Variants in OR2T1 observed in about 807,000 individuals in gnomAD.
OR2T1 encodes the protein olfactory receptor family 2 subfamily T member 1, also known as olfactory receptor 2T1.
For missense variants in OR2T1, 440 were observed against 390.2 expected (o/e 1.13, Z -1.07); for synonymous variants, 186 against 145.4 (o/e 1.28, Z -2.01).
rs1296992737 is a variant in OR2T1 at position 248,406,184 on chromosome 1, T to C, written c.37T>C (p.Phe13Leu). The change falls in exon 2 of 2, where the codon TTC (phenylalanine) becomes CTC (leucine). Residue 13 changes from phenylalanine (F) to leucine (L), a missense_variant. By Grantham distance (22) the Phe-to-Leu change is conservative. Coordinates refer to ENST00000642005, the MANE Select transcript of OR2T1 (RefSeq NM_030904.2). The part of the protein sequence containing the change: ...EYNTSSTDFT[F>L]MGLFNRKETS... ...CAACACATCCTCTACAGACTTCACT[T>C]TCATGGGGCTGTTCAACAGAAAGGA... The C allele has an allele frequency of 6.2e-7, 1 of 1,613,912 alleles. No homozygotes were observed. The highest frequency in any genetic ancestry group is 8.5e-7 in the Non-Finnish European group (1 of 1,179,978).
chr1:248,406,065 C>A, intron 1 of OR2T1, 50 bp from the exon 2 acceptor site: 1 of 1,613,042 alleles, frequency 6.2e-7, no homozygotes, highest in South Asian at 1.1e-5. Flanking sequence ...ACAATTAATT[C>A]ACATGTTGTT....
intron 1 of OR2T1, 83 bp from the exon 2 acceptor site, chr1:248,406,032 C>T (rs565015522): frequency 6.2e-7 from 1 of 1,612,018 alleles, no homozygotes; most frequent in Admixed American, 1.7e-5. Flanking sequence ...GTTTTCTTCC[C>T]ACTTTTAAAA....
intron 1 of OR2T1, among the ~76,000 whole-genome samples, chr1:248,405,148 A>G (rs1661529662): frequency 6.6e-6 from 1 of 152,166 alleles, no homozygotes; most frequent in African/African-American, 2.4e-5. Flanking sequence ...TTACTCCCAA[A>G]TATGTTGGTA....
At position 248,407,105 on chromosome 1, in the gene OR2T1, C is replaced by T. The variant is rs1661579628; in HGVS notation, c.*1C>T. The T allele has an allele frequency of 1.3e-6, 2 of 1,566,478 alleles. No individual in the cohort carries two copies. The highest frequency in any genetic ancestry group is 1.4e-5 in the African/African-American group (1 of 73,298). On this transcript the variant is annotated 3_prime_UTR_variant, in exon 2 of 2. Transcript: ENST00000642005. ...AAGGGTGTCAGGAGGTGTCTTTTGA[C>T]AGTCGACTCCTTCCCATGCATATGG...
At position 248,406,677 on chromosome 1, in the gene OR2T1, T is replaced by C. The variant is rs139791019; in HGVS notation, c.530T>C (p.Phe177Ser). Reference protein sequence around the residue: ...FCNSREINHFFCEAPAVLKLA... With the variant: ...FCNSREINHFSCEAPAVLKLA... ...AATTCCCGGGAGATTAACCACTTCT[T>C]CTGTGAGGCACCAGCAGTCCTGAAG... is the stretch of plus-strand genomic sequence containing the variant. Residue 177 changes from phenylalanine (F) to serine (S), a missense_variant, in exon 2 of 2, where the codon TTC becomes TCC. By Grantham distance (155) the Phe-to-Ser change is radical (BLOSUM62 -2). Transcript: ENST00000642005. 152 of 1,614,080 alleles carry C rather than the reference T, an allele frequency of 9.4e-5. No homozygotes were observed. Among genetic ancestry groups the C allele is most frequent in the Non-Finnish European group, 1.2e-4 (139 of 1,180,000 alleles).
In OR2T1 at chr1:248,406,777, C is replaced by A. The variant is rs750308698; in HGVS notation, c.630C>A (p.Phe210Leu). The part of the protein sequence containing the change: ...VCCVLMLLIP[F>L]SVVLASYARI... The stretch of plus-strand genomic sequence containing the variant: ...GTGTTTTGATGCTGCTGATTCCTTT[C>A]TCTGTAGTCCTTGCTTCCTATGCCC... The change falls in exon 2 of 2, where the codon TTC becomes TTA. Residue 210 changes from phenylalanine (F) to leucine (L), a missense_variant. Coordinates refer to ENST00000642005, the MANE Select transcript of OR2T1 (RefSeq NM_030904.2). 1 of 1,614,096 alleles carries A rather than the reference C, an allele frequency of 6.2e-7. No homozygotes were observed. The highest frequency in any genetic ancestry group is 8.5e-7 in the Non-Finnish European group (1 of 1,180,044).
At chr1:248,405,588 C>A (rs1661537757) in intron 1 of OR2T1, among the ~76,000 whole-genome samples, 1 of 152,080 alleles carries the variant, frequency 6.6e-6, no homozygotes, top group African/African-American at 2.4e-5. Context: ...TTGTCTGGGA[C>A]ATGGATAAAC....
Position 248,407,014 on chromosome 1 carries a change from C to T in OR2T1, c.867C>T (p.Tyr289=), listed in dbSNP as rs1190041626. ...ILTPMLNPLI[Y]SLRNKDVTGA... The stretch of plus-strand genomic sequence containing the variant: ...CACCCATGCTGAACCCCCTCATCTA[C>T]AGCCTTAGAAACAAGGATGTGACTG... The change falls in exon 2 of 2, where the codon TAC becomes TAT. Residue 289 remains tyrosine, a synonymous_variant. Transcript: ENST00000642005. 2 of 1,614,116 alleles carry T rather than the reference C, an allele frequency of 1.2e-6. No homozygotes were observed. Among genetic ancestry groups the T allele is most frequent in the South Asian group, 2.2e-5 (2 of 91,084 alleles).
intron 1 of OR2T1, among the ~76,000 whole-genome samples, chr1:248,404,504 A>G (rs564932719): frequency 6.8e-6 from 1 of 147,382 alleles, no homozygotes; most frequent in South Asian, 2.2e-4. Context: ...ATAAAAATGT[A>G]TAAAACCTGA....
At chr1:248,404,245 G>GGGCGCTATT in intron 1 of OR2T1, among the ~76,000 whole-genome samples, 4 of 150,966 alleles carry the variant, frequency 2.6e-5, no homozygotes, top group African/African-American at 7.3e-5. Flanking sequence ...AGACAGCAGA[G>GGGCGCTATT]ACCACTGTTT....
chr1:248,404,303 T>C (rs1661507536), intron 1 of OR2T1, among the ~76,000 whole-genome samples: 1 of 272 alleles, frequency 3.7e-3, no homozygotes, highest in Non-Finnish European at 5.9e-3. Context: ...TGGTGTCTTA[T>C]CGCATGATAA....
At chr1:248,404,702 A>G (rs1468709393) in intron 1 of OR2T1, among the ~76,000 whole-genome samples, 1 of 152,078 alleles carries the variant, frequency 6.6e-6, no homozygotes, top group Non-Finnish European at 1.5e-5. Flanking sequence ...TTCATTAGTC[A>G]CATTAGTTAT....
In OR2T1 at chr1:248,407,043, C is replaced by T. The variant is rs200071386; in HGVS notation, c.896C>T (p.Ala299Val). The T allele has an allele frequency of 6.3e-5, 102 of 1,613,564 alleles. No individual in the cohort carries two copies. Among genetic ancestry groups the T allele is most frequent in the Non-Finnish European group, 7.7e-5 (91 of 1,179,766 alleles). ...CTTAGAAACAAGGATGTGACTGGAG[C>T]TCTGAAGAGGGCCTTGGGGAGGTTC... is the stretch of plus-strand genomic sequence containing the variant. ...YSLRNKDVTGALKRALGRFKG... is the reference protein window; with the variant it reads ...YSLRNKDVTGVLKRALGRFKG... Residue 299 changes from alanine (A) to valine (V), a missense_variant, in exon 2 of 2, where the codon GCT (alanine) becomes GTT (valine). Coordinates refer to ENST00000642005, the MANE Select transcript of OR2T1 (RefSeq NM_030904.2).
chr1:248,404,245 G>GGCTATTACAAATACGTGTGTGTGTATAAA, intron 1 of OR2T1, among the ~76,000 whole-genome samples: 10 of 151,076 alleles, frequency 6.6e-5, no homozygotes, highest in East Asian at 1.9e-4. Flanking sequence ...AGACAGCAGA[G>GGCTATTACAAATACGTGTGTGTGTATAAA]ACCACTGTTT....
rs759461873 is a variant in OR2T1, at chr1:248,407,071, G to A, written c.924G>A (p.Lys308=). The change falls in exon 2 of 2, where the codon AAG becomes AAA. Residue 308 remains lysine, a synonymous_variant. Transcript: ENST00000642005. ...GALKRALGRF[K]GPQRVSGGVF is the part of the protein sequence containing the mutation. The stretch of plus-strand genomic sequence containing the variant: ...TGAAGAGGGCCTTGGGGAGGTTCAA[G>A]GGTCCTCAAAGGGTGTCAGGAGGTG... 6.2e-7 allele frequency: 1 copy of A among 1,609,492 alleles called. No homozygotes were observed. The highest frequency in any genetic ancestry group is 1.1e-5 in the South Asian group (1 of 90,266).
rs994756990 is a variant in OR2T1, at chr1:248,407,217, G to T, written c.*113G>T. 4 of 1,121,506 alleles carry T rather than the reference G, an allele frequency of 3.6e-6. No homozygotes were observed. Among genetic ancestry groups the T allele is most frequent in the African/African-American group, 3.2e-5 (2 of 63,314 alleles). The allele number at this position is 1,121,506 out of a possible 1,614,324, so 69.5% of individuals were successfully genotyped here. On this transcript the variant is annotated 3_prime_UTR_variant, in exon 2 of 2. Coordinates refer to ENST00000642005, the MANE Select transcript of OR2T1 (RefSeq NM_030904.2). ...AGGGAGTCATATGATTACAATATTGGTTTTTTGGCTAGGGTTTCTGGTTCA... is the reference window on the plus strand; with the variant it reads ...AGGGAGTCATATGATTACAATATTGTTTTTTTGGCTAGGGTTTCTGGTTCA...
rs1308133769 is a variant in OR2T1, at chr1:248,407,741, G to C, written c.*637G>C. 4 of 152,258 alleles carry C rather than the reference G, an allele frequency of 2.6e-5. No individual in the cohort carries two copies. The highest frequency in any genetic ancestry group is 5.9e-5 in the Non-Finnish European group (4 of 68,082). The allele number at this position is 152,258 out of a possible 1,614,324, so 9.4% of individuals were successfully genotyped here. A position where few individuals can be genotyped will look rare whatever the true frequency, so the allele number is the denominator to read the frequency against. The stretch of plus-strand genomic sequence containing the variant: ...CATCCATGTGCCTGGAGGGTGGCAT[G>C]TCCCAACTCCACAGAGGCAGAAGCT... On this transcript the variant is annotated 3_prime_UTR_variant, in exon 2 of 2. Transcript: ENST00000642005.
In OR2T1 at chr1:248,406,319, A is replaced by G. The variant is rs1304662753; in HGVS notation, c.172A>G (p.Met58Val). The change falls in exon 2 of 2, where the codon ATG (methionine) becomes GTG (valine). Residue 58 changes from methionine (M) to valine (V), a missense_variant. Transcript: ENST00000642005. The stretch of plus-strand genomic sequence containing the variant: ...AACAGATTTGCGCCTTCATACACCC[A>G]TGTACTTCCTCCTCAGCCACCTTTC... ...IQTDLRLHTP[M>V]YFLLSHLSLI... 2 of 1,614,100 alleles carry G rather than the reference A, an allele frequency of 1.2e-6. No individual in the cohort carries two copies. The highest frequency in any genetic ancestry group is 2.2e-5 in the East Asian group (1 of 44,884).
chr1:248,405,900 A>G, intron 1 of OR2T1: 1 of 1,022,780 alleles, frequency 9.8e-7, no homozygotes. Flanking sequence ...TGCTGACCTC[A>G]TCTTCTCCAA....
Sources: allele counts gnomAD v4.1 joint callset (sites outside exome capture counted in the v4.1 genomes callset), GRCh38; gene constraint gnomAD v4.1.1; transcripts MANE v1.5; gene names NCBI Gene and HGNC (gene_info 2026-07-23, HGNC 2026-07-21).